Variants in SRGAP3 observed in about 807,000 individuals in gnomAD.
SRGAP3 encodes SLIT-ROBO Rho GTPase-activating protein 3.
Under a neutral mutation model 121.1 loss-of-function variants are expected in SRGAP3, and 39 were observed. That is an observed-to-expected ratio of 0.32 (90% CI 0.25 to 0.42). SRGAP3 has a LOEUF of 0.42. Among genes scored for constraint, SRGAP3 ranks in the 10% least tolerant of loss-of-function variants. SRGAP3 has a pLI of 1.00. For synonymous variants in SRGAP3, 601 were observed against 570.0 expected (o/e 1.05, Z -0.77); for missense variants, 1,213 against 1,470.6 (o/e 0.82, Z 2.86).
intron 4 of SRGAP3, among the ~76,000 whole-genome samples, chr3:9,068,469 G>A (rs1302224610): frequency 1.3e-5 from 2 of 152,002 alleles, no homozygotes; most frequent in Admixed American, 1.3e-4. Context: ...TCCCATGCTT[G>A]GAGAAGACAA....
chr3:9,061,868 T>C (rs1946190002), intron 5 of SRGAP3, among the ~76,000 whole-genome samples: 1 of 152,216 alleles, frequency 6.6e-6, no homozygotes. Context: ...AAAGAGGAAG[T>C]GGGCTGGAGA....
At chr3:9,038,162 A>G (rs1045579659) in intron 10 of SRGAP3, 72 bp from the exon 11 acceptor site, 3 of 1,588,754 alleles carry the variant, frequency 1.9e-6, no homozygotes, top group Non-Finnish European at 1.7e-6. Flanking sequence ...ATCTTTTTCT[A>G]AAAACAAAAT....
At chr3:9,277,656 T>C (rs1298097088) in intron 3 of SRGAP3, among the ~76,000 whole-genome samples, 2 of 149,262 alleles carry the variant, frequency 1.3e-5, no homozygotes, top group African/African-American at 4.9e-5. Flanking sequence ...GGCACACACC[T>C]GTAATCCCAG....
chr3:9,158,074 G>C (rs11719693), intron 1 of SRGAP3, among the ~76,000 whole-genome samples: 24,407 of 152,194 alleles, frequency 0.16, 2,198 homozygotes, highest in Admixed American at 0.26. Flanking sequence ...AGGACTGTCA[G>C]GACAACCCCA....
chr3:9,204,290 G>A (rs79565622), intron 1 of SRGAP3, among the ~76,000 whole-genome samples: 8,580 of 152,342 alleles, frequency 0.056, 386 homozygotes, highest in Admixed American at 0.15. Flanking sequence ...TCAGGGCCTG[G>A]ACACACAGCC....
intron 1 of SRGAP3, among the ~76,000 whole-genome samples, chr3:9,158,943 A>T (rs1272883971): frequency 6.6e-6 from 1 of 152,194 alleles, no homozygotes; most frequent in African/African-American, 2.4e-5. Flanking sequence ...GACAGAGCCC[A>T]TCGGCAGCCA....
intron 3 of SRGAP3, among the ~76,000 whole-genome samples, chr3:9,090,438 T>C (rs1428321305): frequency 6.6e-6 from 1 of 152,132 alleles, no homozygotes; most frequent in East Asian, 1.9e-4. Context: ...CATTAATTCA[T>C]GTCAAGATGA....
chr3:8,997,456 A>G (rs1942474498), intron 18 of SRGAP3, among the ~76,000 whole-genome samples: 1 of 152,126 alleles, frequency 6.6e-6, no homozygotes, highest in South Asian at 2.1e-4. Flanking sequence ...CAATCACATC[A>G]TGAAACTCCC....
intron 20 of SRGAP3, among the ~76,000 whole-genome samples, chr3:8,991,116 G>A (rs1436679789): frequency 6.6e-6 from 1 of 152,164 alleles, no homozygotes; most frequent in Non-Finnish European, 1.5e-5. Context: ...AAATGCATCT[G>A]GTCTACATGC....
chr3:9,213,105 T>C (rs758655299), intron 1 of SRGAP3, among the ~76,000 whole-genome samples: 1 of 152,152 alleles, frequency 6.6e-6, no homozygotes, highest in Non-Finnish European at 1.5e-5. Flanking sequence ...ACAACCTCCA[T>C]AGCCACACGG....
At chr3:9,182,069 G>T (rs1408850908) in intron 1 of SRGAP3, among the ~76,000 whole-genome samples, 1 of 151,078 alleles carries the variant, frequency 6.6e-6, no homozygotes, top group Non-Finnish European at 1.5e-5. Flanking sequence ...CCATCTACTC[G>T]GGAGGCTGAG....
At chr3:9,233,610 T>G (rs1953305213) in intron 1 of SRGAP3, among the ~76,000 whole-genome samples, 1 of 152,232 alleles carries the variant, frequency 6.6e-6, no homozygotes, top group African/African-American at 2.4e-5. Flanking sequence ...GACCCTTCTC[T>G]AAATGGAAAG....
intron 3 of SRGAP3, among the ~76,000 whole-genome samples, chr3:9,323,798 A>AACACACACAC (rs139013302): frequency 0.1 from 15,440 of 148,712 alleles, 950 homozygotes; most frequent in Admixed American, 0.17. Context: ...CTGTGTATCT[A>AACACACACAC]ACACACACAC....
intron 10 of SRGAP3, among the ~76,000 whole-genome samples, chr3:9,044,021 T>C (rs1474283288): frequency 6.6e-6 from 1 of 152,202 alleles, no homozygotes; most frequent in African/African-American, 2.4e-5. Context: ...CCAAGGTATG[T>C]GCTCTTGCTC....
intron 1 of SRGAP3, among the ~76,000 whole-genome samples, chr3:9,135,768 C>G (rs113278174): frequency 6.6e-6 from 1 of 152,212 alleles, no homozygotes; most frequent in Non-Finnish European, 1.5e-5. Flanking sequence ...CATGGCGCAG[C>G]GGAAGGGCAT....
intron 1 of SRGAP3, among the ~76,000 whole-genome samples, chr3:9,195,519 G>T (rs1412094111): frequency 6.6e-6 from 1 of 152,206 alleles, no homozygotes; most frequent in African/African-American, 2.4e-5. Context: ...ATCAGGCCCA[G>T]ACTAGGATTA....
intron 1 of SRGAP3, among the ~76,000 whole-genome samples, chr3:9,175,395 C>T (rs1434014817): frequency 1.3e-5 from 2 of 152,176 alleles, no homozygotes; most frequent in East Asian, 3.9e-4. Context: ...CTAGCACAAG[C>T]CAGGGCCACA....
intron 3 of SRGAP3, among the ~76,000 whole-genome samples, chr3:9,293,490 T>A (rs1954902070): frequency 2.0e-5 from 3 of 152,090 alleles, no homozygotes. Context: ...ACTGCTGTCC[T>A]GATCTAATTA....
At chr3:9,039,975 T>C (rs913706499) in intron 10 of SRGAP3, among the ~76,000 whole-genome samples, 1 of 152,230 alleles carries the variant, frequency 6.6e-6, no homozygotes, top group African/African-American at 2.4e-5. Flanking sequence ...GTCTTCAATA[T>C]CTCAATAAGT....
Sources: allele counts gnomAD v4.1 joint callset (sites outside exome capture counted in the v4.1 genomes callset), GRCh38; gene constraint gnomAD v4.1.1; transcripts MANE v1.5; gene names NCBI Gene and HGNC (gene_info 2026-07-23, HGNC 2026-07-21).